PSEN1: variants seen among roughly 807,000 people sequenced by gnomAD.
The protein encoded by PSEN1 is presenilin-1.
In PSEN1, 15 loss-of-function variants were observed where a neutral mutation model predicts 53.5. That is an observed-to-expected ratio of 0.28 (90% CI 0.19 to 0.43). The LOEUF (loss-of-function observed/expected upper bound fraction) is 0.43, where lower values mean the gene tolerates loss of function less well. PSEN1 is among the 20% of genes least tolerant of loss of function. The pLI is 1.00. For synonymous variants in PSEN1, 208 were observed against 209.8 expected (o/e 0.99, Z 0.08); for missense variants, 387 against 571.2 (o/e 0.68, Z 3.29).
chr14:73,189,174 C>A (rs192001236), intron 6 of PSEN1, among the ~76,000 whole-genome samples: 1 of 152,070 alleles, frequency 6.6e-6, no homozygotes, highest in African/African-American at 2.4e-5. Flanking sequence ...GAAAGAAATA[C>A]GAACTATATA....
intron 1 of PSEN1, among the ~76,000 whole-genome samples, chr14:73,143,037 AG>A (rs1896969975): frequency 1.3e-5 from 2 of 152,222 alleles, no homozygotes; most frequent in South Asian, 4.1e-4. Flanking sequence ...TGTTGTTCAC[AG>A]GGCTAAGAAT....
chr14:73,181,389 A>G (rs1264361794), intron 5 of PSEN1, among the ~76,000 whole-genome samples: 1 of 152,076 alleles, frequency 6.6e-6, no homozygotes, highest in Non-Finnish European at 1.5e-5. Context: ...TTGCGGTGAG[A>G]TTGCGCCATT....
At chr14:73,151,388 T>C (rs568966020) in intron 3 of PSEN1, among the ~76,000 whole-genome samples, 1 of 152,302 alleles carries the variant, frequency 6.6e-6, no homozygotes, top group African/African-American at 2.4e-5. Flanking sequence ...ATCTTAGAAC[T>C]ATTTTAGAGA....
At chr14:73,202,211 A>AT (rs35093253) in intron 8 of PSEN1, among the ~76,000 whole-genome samples, 86,965 of 145,220 alleles carry the variant, frequency 0.6, 26,376 homozygotes, top group African/African-American at 0.69. Context: ...TACCTGGCTA[A>AT]TTTTTTTTTT....
At chr14:73,197,488 A>G (rs568074659) in intron 7 of PSEN1, among the ~76,000 whole-genome samples, 169 of 152,342 alleles carry the variant, frequency 1.1e-3, no homozygotes, top group Non-Finnish European at 2.1e-3. Flanking sequence ...TCTTACTTCA[A>G]GTACTTCTCA....
intron 5 of PSEN1, among the ~76,000 whole-genome samples, chr14:73,184,110 C>G (rs1898343580): frequency 1.6e-5 from 2 of 124,784 alleles, no homozygotes; most frequent in Admixed American, 7.4e-5. Flanking sequence ...GGGCTGACCC[C>G]CCCCCACCTC....
At position 73,203,195 on chromosome 14, in the gene PSEN1, C is replaced by T. The variant is rs578187684; in HGVS notation, c.869-3191C>T. ...CCAGGTTCAAGCGATTCTCCTGCCTCGGCCTCCTGAGTAGCTGGGATTACA... is the reference window on the plus strand; with the variant it reads ...CCAGGTTCAAGCGATTCTCCTGCCTTGGCCTCCTGAGTAGCTGGGATTACA... On this transcript the variant is annotated intron_variant, in intron 8 of 11. Coordinates refer to ENST00000324501, the MANE Select transcript of PSEN1 (RefSeq NM_000021.4). Among the ~76,000 whole-genome samples, 9 of 152,292 alleles carry T rather than the reference C, an allele frequency of 5.9e-5. No individual in the cohort carries two copies. In the South Asian group the frequency reaches 8.3e-4, roughly 14 times the overall value.
At chr14:73,158,070 CTTTTT>C (rs752088586) in intron 3 of PSEN1, among the ~76,000 whole-genome samples, 2,047 of 151,714 alleles carry the variant, frequency 0.013, 24 homozygotes, top group Non-Finnish European at 0.022. Context: ...TATGTGGTTC[CTTTTT>C]ATTGCTGAGT....
chr14:73,186,647 C>T (rs1898523550), intron 5 of PSEN1, among the ~76,000 whole-genome samples: 1 of 152,044 alleles, frequency 6.6e-6, no homozygotes, highest in Non-Finnish European at 1.5e-5. Context: ...CGTGGTGGCG[C>T]GCACGCGTGG....
intron 3 of PSEN1, among the ~76,000 whole-genome samples, chr14:73,151,929 T>G (rs1897242718): frequency 1.4e-5 from 1 of 71,218 alleles, no homozygotes; most frequent in South Asian, 5.3e-4. Context: ...TTTTTTTTTT[T>G]GAGACGGAGT....
At chr14:73,201,236 C>T (rs941479973) in intron 8 of PSEN1, among the ~76,000 whole-genome samples, 5 of 151,994 alleles carry the variant, frequency 3.3e-5, no homozygotes, top group African/African-American at 7.3e-5. Context: ...TACAGGCACA[C>T]GCCGCCACGC....
At position 73,220,951 on chromosome 14, in the gene PSEN1, G is replaced by A. The variant is rs1486101970; in HGVS notation, c.*1662G>A. On this transcript the variant is annotated 3_prime_UTR_variant, in exon 12 of 12. Transcript: ENST00000324501. ...TATGAGAAACTTAGTTTCCTCCTGT[G>A]GCTGAGGAGGGGCCAGCTTTTTCTT... is the stretch of plus-strand genomic sequence containing the variant. The A allele has an allele frequency of 6.6e-6, 1 of 152,224 alleles. No homozygotes were observed. The highest frequency in any genetic ancestry group is 1.5e-5 in the Non-Finnish European group (1 of 68,124). 9.4% of individuals were successfully genotyped at this position (152,224 alleles called of 1,614,324 possible).
At chr14:73,162,801 T>C (rs888980275) in intron 3 of PSEN1, among the ~76,000 whole-genome samples, 1 of 152,204 alleles carries the variant, frequency 6.6e-6, no homozygotes. Context: ...AGTATGTGTT[T>C]GTATTTGCTT....
At chr14:73,214,374 T>A (rs1439444004) in intron 10 of PSEN1, among the ~76,000 whole-genome samples, 1 of 151,766 alleles carries the variant, frequency 6.6e-6, no homozygotes, top group Non-Finnish European at 1.5e-5. Flanking sequence ...CTACTAAAAA[T>A]ACAAAATTAG....
intron 5 of PSEN1, among the ~76,000 whole-genome samples, chr14:73,180,670 AGTTTAGG>A (rs1377921134): frequency 6.6e-6 from 1 of 152,232 alleles, no homozygotes; most frequent in Non-Finnish European, 1.5e-5. Context: ...TGGCCTTGAT[AGTTTAGG>A]GTTTAGAGAA....
intron 4 of PSEN1, among the ~76,000 whole-genome samples, chr14:73,171,818 G>C (rs536732471): frequency 1.3e-5 from 2 of 152,146 alleles, no homozygotes; most frequent in Non-Finnish European, 2.9e-5. Context: ...ACATACTGGC[G>C]TATTAATTCT....
At chr14:73,216,968 C>A (rs775595014) in intron 10 of PSEN1, among the ~76,000 whole-genome samples, 158 bp from the exon 11 acceptor site, 96 of 151,912 alleles carry the variant, frequency 6.3e-4, no homozygotes, top group Non-Finnish European at 1.3e-3. Flanking sequence ...TGTAGAAAAC[C>A]AAAAAAGAAA....
At chr14:73,164,956 CT>C (rs953934974) in intron 3 of PSEN1, among the ~76,000 whole-genome samples, 4 of 151,854 alleles carry the variant, frequency 2.6e-5, no homozygotes, top group Admixed American at 6.6e-5. Flanking sequence ...CAAAATTGTA[CT>C]TTTTTTTGTT....
At chr14:73,162,007 A>G (rs900501430) in intron 3 of PSEN1, among the ~76,000 whole-genome samples, 1 of 150,698 alleles carries the variant, frequency 6.6e-6, no homozygotes, top group Admixed American at 6.6e-5. Context: ...AAAAAAAAAA[A>G]AAAAAAAAAT....
Sources: allele counts gnomAD v4.1 joint callset (sites outside exome capture counted in the v4.1 genomes callset), GRCh38; gene constraint gnomAD v4.1.1; transcripts MANE v1.5; gene names NCBI Gene and HGNC (gene_info 2026-07-23, HGNC 2026-07-21).